The following CDC14A variants were observed in gnomAD, a reference collection of about 807,000 sequenced individuals.
CDC14A encodes the protein cell division cycle 14A.
A neutral mutation model predicts 74.4 loss-of-function variants in CDC14A; 53 were observed. The observed-to-expected ratio is 0.71, with a 90% CI of 0.57 to 0.89. The LOEUF is 0.89. CDC14A is among the 40% of genes least tolerant of loss of function. The pLI is 0.00. For synonymous variants in CDC14A, 247 were observed against 258.4 expected (o/e 0.96, Z 0.43); for missense variants, 646 against 713.7 (o/e 0.91, Z 1.08).
At chr1:100,360,147 G>A (rs1477702585) in intron 2 of CDC14A, among the ~76,000 whole-genome samples, 2 of 147,932 alleles carry the variant, frequency 1.4e-5, no homozygotes, top group Non-Finnish European at 3.0e-5. Context: ...TAGAGACGAG[G>A]TTTCACCATG....
chr1:100,472,636 T>A (rs1199794550), intron 10 of CDC14A, among the ~76,000 whole-genome samples: 2 of 152,020 alleles, frequency 1.3e-5, no homozygotes, highest in African/African-American at 4.8e-5. Context: ...AGACTCTTAG[T>A]TTAGCCCTAG....
intron 11 of CDC14A, among the ~76,000 whole-genome samples, chr1:100,489,404 A>T (rs1670387594): frequency 6.6e-6 from 1 of 152,086 alleles, no homozygotes; most frequent in Non-Finnish European, 1.5e-5. Flanking sequence ...TTTCTTAATG[A>T]GACTTTCCAC....
intron 3 of CDC14A, among the ~76,000 whole-genome samples, chr1:100,382,196 A>C (rs1656215195): frequency 6.7e-6 from 1 of 149,800 alleles, no homozygotes; most frequent in African/African-American, 2.5e-5. Flanking sequence ...AAAAAACTGA[A>C]TACCTTCCTC....
intron 5 of CDC14A, among the ~76,000 whole-genome samples, chr1:100,428,564 T>C (rs1484233537): frequency 1.3e-5 from 2 of 152,162 alleles, no homozygotes; most frequent in Non-Finnish European, 2.9e-5. Flanking sequence ...ACTACTAAAT[T>C]ATAGTGTATA....
At chr1:100,370,189 C>T (rs988220224) in intron 2 of CDC14A, among the ~76,000 whole-genome samples, 2 of 151,944 alleles carry the variant, frequency 1.3e-5, no homozygotes, top group Admixed American at 1.3e-4. Context: ...TGCTATGTTG[C>T]CCAGGCCGGT....
intron 2 of CDC14A, among the ~76,000 whole-genome samples, chr1:100,368,165 T>G (rs569589817): frequency 2.6e-5 from 4 of 152,248 alleles, no homozygotes; most frequent in African/African-American, 9.6e-5. Context: ...TTATAGTTAT[T>G]TTGATATGTC....
At chr1:100,459,983 T>G (rs907812307) in intron 8 of CDC14A, among the ~76,000 whole-genome samples, 12 of 152,216 alleles carry the variant, frequency 7.9e-5, no homozygotes, top group Admixed American at 2.0e-4. Flanking sequence ...TAGAATCAAG[T>G]TGAATCTTAC....
intron 10 of CDC14A, among the ~76,000 whole-genome samples, chr1:100,479,644 A>T (rs1669257958): frequency 3.3e-5 from 5 of 152,250 alleles, no homozygotes; most frequent in Admixed American, 3.3e-4. Flanking sequence ...TCAGAATTTA[A>T]CAAAACAAGA....
intron 4 of CDC14A, among the ~76,000 whole-genome samples, chr1:100,409,407 G>A (rs1197190322): frequency 6.6e-6 from 1 of 152,080 alleles, no homozygotes; most frequent in Non-Finnish European, 1.5e-5. Context: ...CTTCCCAACA[G>A]TCCCTCAGAG....
rs761858427 is a variant in CDC14A, at chr1:100,491,518, A to ATCTCTCTCTCTC, written c.1138-3280_1138-3269dup. Among the ~76,000 whole-genome samples the ATCTCTCTCTCTC allele has an allele frequency of 5.3e-3, 140 of 26,556 alleles. 3 individuals carry two copies. The highest frequency in any genetic ancestry group is 7.5e-3 in the Non-Finnish European group (93 of 12,398). The allele number at this position is 26,556 out of a possible 152,430, so 17.4% of individuals were successfully genotyped here. A position where few individuals can be genotyped will look rare whatever the true frequency, so the allele number is the denominator to read the frequency against. On this transcript the variant is annotated intron_variant, in intron 11 of 15. Coordinates refer to ENST00000336454, the MANE Select transcript of CDC14A (RefSeq NM_003672.4). The stretch of plus-strand genomic sequence containing the variant: ...AAAAATATATCATAAATATATCTGC[A>ATCTCTCTCTCTC]TCTCTCTCTCTCTCTCTCTCTCTCT...
Position 100,432,517 on chromosome 1 carries a change from G to A in CDC14A, c.390-7415G>A, listed in dbSNP as rs149358017. On this transcript the variant is annotated intron_variant, in intron 5 of 15. Coordinates refer to ENST00000336454, the MANE Select transcript of CDC14A (RefSeq NM_003672.4). ...ATTTCAAAGATGTAGTATAAAAGGC[G>A]GGGTGTGGTGACTCACAGCTGTAAT... Among the ~76,000 whole-genome samples the A allele has an allele frequency of 2.4e-4, 37 of 152,260 alleles. No homozygotes were observed. In the East Asian group the frequency reaches 5.0e-3, roughly 21 times the overall value.
chr1:100,381,609 T>C (rs1327798387), intron 3 of CDC14A, among the ~76,000 whole-genome samples: 1 of 152,240 alleles, frequency 6.6e-6, no homozygotes, highest in African/African-American at 2.4e-5. Context: ...AGATGTTTTT[T>C]TCCAGTTGAT....
intron 15 of CDC14A, among the ~76,000 whole-genome samples, chr1:100,502,856 T>A (rs957591707): frequency 6.6e-6 from 1 of 152,248 alleles, no homozygotes; most frequent in Non-Finnish European, 1.5e-5. Flanking sequence ...AATAGAGTGA[T>A]TTTTAAATAA....
intron 4 of CDC14A, among the ~76,000 whole-genome samples, chr1:100,396,313 C>T (rs987237309): frequency 2.6e-5 from 4 of 152,078 alleles, no homozygotes; most frequent in African/African-American, 4.8e-5. Flanking sequence ...GTGCTGTGGG[C>T]TGCAGCTATT....
At chr1:100,414,675 A>T (rs887111359) in intron 4 of CDC14A, among the ~76,000 whole-genome samples, 1 of 152,186 alleles carries the variant, frequency 6.6e-6, no homozygotes, top group Non-Finnish European at 1.5e-5. Flanking sequence ...GGGAGTATGT[A>T]TTATTCAAGT....
At chr1:100,482,928 C>CT (rs1669640280) in intron 10 of CDC14A, among the ~76,000 whole-genome samples, 1 of 152,010 alleles carries the variant, frequency 6.6e-6, no homozygotes, top group Non-Finnish European at 1.5e-5. Flanking sequence ...TGGTCTTATT[C>CT]TTTTTTATGG....
rs1664741398 is a variant in CDC14A, at chr1:100,439,914, G to A, written c.390-18G>A. 4 of 1,585,216 alleles carry A rather than the reference G, an allele frequency of 2.5e-6. No homozygotes were observed. Among genetic ancestry groups the A allele is most frequent in the Non-Finnish European group, 3.5e-6 (4 of 1,154,878 alleles). ...TCTAAATGCAAGTTTTTAATGTTGA[G>A]TTTATTTATGTTTATAGGGATGCTT... On this transcript the variant is annotated intron_variant, in intron 5 of 15. Coordinates refer to ENST00000336454, the MANE Select transcript of CDC14A (RefSeq NM_003672.4).
At chr1:100,436,419 T>C (rs1478885780) in intron 5 of CDC14A, among the ~76,000 whole-genome samples, 1 of 151,810 alleles carries the variant, frequency 6.6e-6, no homozygotes, top group East Asian at 1.9e-4. Context: ...GTGTTGGTTA[T>C]CATTTTTTTT....
intron 15 of CDC14A, among the ~76,000 whole-genome samples, chr1:100,515,355 T>G (rs556069658): frequency 6.6e-6 from 1 of 152,144 alleles, no homozygotes; most frequent in African/African-American, 2.4e-5. Flanking sequence ...CTTGAACAAT[T>G]CTCTTCTCCC....
Sources: gnomAD v4.1 joint callset for allele counts (sites outside exome capture counted in the v4.1 genomes callset) on GRCh38, gnomAD v4.1.1 for gene constraint, MANE v1.5 for transcripts, NCBI Gene and HGNC (gene_info 2026-07-23, HGNC 2026-07-21) for gene names.